The following PGM5 variants were observed in gnomAD, a reference collection of about 807,000 sequenced individuals.
PGM5 encodes phosphoglucomutase 5.
PGM5 carries 23 observed loss-of-function variants against 59.2 expected under a neutral mutation model. The ratio of observed to expected loss-of-function variants is 0.39; its 90% confidence interval spans 0.28 to 0.55. The LOEUF is 0.55. Ranked by LOEUF, PGM5 falls within the 20% of genes least tolerant of loss-of-function variation. The pLI is 0.66. For synonymous variants in PGM5, 214 were observed against 286.0 expected (o/e 0.75, Z 2.54); for missense variants, 574 against 748.3 (o/e 0.77, Z 2.72).
At chr9:68,401,654 G>T (rs1554680634) in intron 6 of PGM5, among the ~76,000 whole-genome samples, 1 of 151,664 alleles carries the variant, frequency 6.6e-6, no homozygotes, top group East Asian at 1.9e-4. Flanking sequence ...GCGTGCTGTT[G>T]TTCTCCAACG....
chr9:68,495,938 T>A (rs889769592), intron 9 of PGM5, among the ~76,000 whole-genome samples: 15 of 152,332 alleles, frequency 9.8e-5, no homozygotes, highest in African/African-American at 3.1e-4. Context: ...ATTTTATACC[T>A]TGGGGGCTAG....
intron 6 of PGM5, among the ~76,000 whole-genome samples, chr9:68,453,645 C>T (rs1320231449): frequency 6.6e-6 from 1 of 152,234 alleles, no homozygotes; most frequent in Non-Finnish European, 1.5e-5. Context: ...CCCTCCTTAT[C>T]TCAAACTTTC....
At chr9:68,473,808 A>G (rs1384307189) in intron 7 of PGM5, among the ~76,000 whole-genome samples, 1 of 152,134 alleles carries the variant, frequency 6.6e-6, no homozygotes, top group Non-Finnish European at 1.5e-5. Context: ...GGTCACTCCA[A>G]AGCTGGCAAA....
At chr9:68,469,360 TA>T (rs75412526) in intron 7 of PGM5, among the ~76,000 whole-genome samples, 10,840 of 151,156 alleles carry the variant, frequency 0.072, 1,098 homozygotes, top group East Asian at 0.35. Context: ...TAGTGTTTTT[TA>T]AAAAAAAAAT....
intron 7 of PGM5, among the ~76,000 whole-genome samples, chr9:68,473,886 C>G (rs1012628679): frequency 6.6e-6 from 1 of 151,938 alleles, no homozygotes; most frequent in African/African-American, 2.4e-5. Context: ...CAGTGAGAAC[C>G]CCCCCATGTG....
At chr9:68,381,304 G>A (rs1280375326) in intron 2 of PGM5, among the ~76,000 whole-genome samples, 2 of 143,878 alleles carry the variant, frequency 1.4e-5, no homozygotes, top group African/African-American at 2.6e-5. Flanking sequence ...TGCAGGAAAG[G>A]CATTTTAGAA....
At chr9:68,380,047 C>A (rs1394802401) in intron 2 of PGM5, among the ~76,000 whole-genome samples, 4 of 151,790 alleles carry the variant, frequency 2.6e-5, no homozygotes, top group African/African-American at 9.7e-5. Context: ...GAGAGATCAA[C>A]CAGACAAAAA....
intron 9 of PGM5, among the ~76,000 whole-genome samples, chr9:68,496,347 G>T (rs1395986924): frequency 6.6e-6 from 1 of 152,200 alleles, no homozygotes; most frequent in Non-Finnish European, 1.5e-5. Context: ...ATAAAAGGGG[G>T]CCTCAGCAGA....
chr9:68,397,674 G>C (rs1554680160), intron 6 of PGM5: 1 of 152,226 alleles, frequency 6.6e-6, no homozygotes, highest in Non-Finnish European at 1.5e-5. Context: ...ACAAGTAAGG[G>C]AAACATACAG....
At chr9:68,522,824 G>C (rs990906604) in intron 10 of PGM5, among the ~76,000 whole-genome samples, 1 of 152,088 alleles carries the variant, frequency 6.6e-6, no homozygotes, top group African/African-American at 2.4e-5. Context: ...AGATAATTGG[G>C]AGTCATGCCA....
intron 10 of PGM5, among the ~76,000 whole-genome samples, chr9:68,502,291 C>T (rs776607169): frequency 7.2e-5 from 11 of 152,246 alleles, no homozygotes; most frequent in Non-Finnish European, 1.6e-4. Context: ...AATGAGCCCT[C>T]AAACCAGCTG....
At chr9:68,408,026 T>C (rs1253456278) in intron 6 of PGM5, among the ~76,000 whole-genome samples, 2 of 152,142 alleles carry the variant, frequency 1.3e-5, no homozygotes, top group African/African-American at 4.8e-5. Context: ...TCACCTGGAG[T>C]CCCTTTATCT....
At chr9:68,440,769 G>C (rs981576338) in intron 6 of PGM5, among the ~76,000 whole-genome samples, 1 of 151,828 alleles carries the variant, frequency 6.6e-6, no homozygotes, top group Admixed American at 6.6e-5. Context: ...ATAATGTAGA[G>C]AAAAGAGAAT....
chr9:68,467,139 C>A (rs1554685896), intron 7 of PGM5, among the ~76,000 whole-genome samples: 3 of 152,172 alleles, frequency 2.0e-5, no homozygotes, highest in African/African-American at 7.2e-5. Flanking sequence ...ACCAAGTTTC[C>A]TTCTTTGTTC....
intron 10 of PGM5, among the ~76,000 whole-genome samples, chr9:68,527,247 T>C (rs999545965): frequency 6.6e-6 from 1 of 152,264 alleles, no homozygotes; most frequent in Non-Finnish European, 1.5e-5. Context: ...AAACTGAATA[T>C]GTTTTAATCC....
At chr9:68,506,779 C>A (rs1476850289) in intron 10 of PGM5, among the ~76,000 whole-genome samples, 2 of 152,010 alleles carry the variant, frequency 1.3e-5, no homozygotes, top group African/African-American at 4.8e-5. Context: ...ACTTTCATGA[C>A]AAGACAAAGA....
At chr9:68,368,639 T>G (rs11139903) in intron 1 of PGM5, among the ~76,000 whole-genome samples, 32,515 of 138,898 alleles carry the variant, frequency 0.23, 1,278 homozygotes, top group East Asian at 0.31. Context: ...AGTTTTTAGG[T>G]TTTTTTTTTC....
At chr9:68,521,251 A>C (rs1413368767) in intron 10 of PGM5, among the ~76,000 whole-genome samples, 2 of 152,220 alleles carry the variant, frequency 1.3e-5, no homozygotes, top group African/African-American at 4.8e-5. Flanking sequence ...ATGAATTTGG[A>C]ATAGCACTTG....
chr9:68,446,724 A>G (rs1823617504), intron 6 of PGM5, among the ~76,000 whole-genome samples: 1 of 152,246 alleles, frequency 6.6e-6, no homozygotes, highest in South Asian at 2.1e-4. Context: ...GCTTCATGAA[A>G]TGTTGACATT....
Sources: gnomAD v4.1 joint callset for allele counts (sites outside exome capture counted in the v4.1 genomes callset) on GRCh38, gnomAD v4.1.1 for gene constraint, MANE v1.5 for transcripts, NCBI Gene and HGNC (gene_info 2026-07-23, HGNC 2026-07-21) for gene names.